Variants in ALPK3 observed in about 807,000 individuals in gnomAD.
ALPK3 encodes the protein alpha-protein kinase 3.
A neutral mutation model predicts 140.0 loss-of-function variants in ALPK3; 102 were observed. The ratio of observed to expected loss-of-function variants is 0.73; its 90% CI spans 0.62 to 0.86. The LOEUF is 0.86. ALPK3 is among the 40% of genes least tolerant of loss of function. The pLI is 0.00. For synonymous variants in ALPK3, 938 were observed against 898.5 expected, an observed-to-expected ratio of 1.04 and a Z score of -0.79; for missense variants, 2,254 against 2,208.2, an observed-to-expected ratio of 1.02 and a Z score of -0.42.
At position 84,857,106 on chromosome 15, in the gene ALPK3, G is replaced by A. The variant is rs1472038881; in HGVS notation, c.2368G>A (p.Val790Met). ...VTASRNHEQTVLGPLSGNLML... is the reference protein window; with the variant it reads ...VTASRNHEQTMLGPLSGNLML... ...AGCCTCCAGGAACCATGAGCAAACT[G>A]TGCTGGGTCCCCTGTCAGGGAACCT... is the stretch of plus-strand genomic sequence containing the variant. Residue 790 changes from valine to methionine, a missense_variant, in exon 6 of 14, where the codon GTG becomes ATG. Coordinates refer to ENST00000258888, the MANE Select transcript of ALPK3 (RefSeq NM_020778.5). 1.2e-6 allele frequency: 2 copies of A among 1,614,212 alleles called. No individual in the cohort carries two copies. Among genetic ancestry groups the A allele is most frequent in the Non-Finnish European group, 8.5e-7 (1 of 1,180,032 alleles).
chr15:84,862,961 C>T (rs757235974), intron 10 of ALPK3, 46 bp downstream of exon 10: 1 of 1,581,496 alleles, frequency 6.3e-7, no homozygotes, highest in Non-Finnish European at 8.6e-7. Flanking sequence ...TCTCTCACCC[C>T]CTCCCCTTTC....
intron 1 of ALPK3, among the ~76,000 whole-genome samples, chr15:84,819,082 G>C (rs1963395325): frequency 6.6e-6 from 1 of 152,162 alleles, no homozygotes; most frequent in African/African-American, 2.4e-5. Flanking sequence ...CAGGCAGAAT[G>C]GGGAGGGCAG....
rs762940734 is a variant in ALPK3 at position 84,840,876 on chromosome 15, C to T, written c.1597C>T (p.His533Tyr). 4 of 1,613,644 alleles carry T rather than the reference C, an allele frequency of 2.5e-6. No individual in the cohort carries two copies. The highest frequency in any genetic ancestry group is 3.4e-6 in the Non-Finnish European group (4 of 1,179,808). ...QVPTPPARRRHGTRDSTLQGQ... is the reference protein window; with the variant it reads ...QVPTPPARRRYGTRDSTLQGQ... ...GCCGACGCCCCCTGCCCGGCGGAGA[C>T]ATGGCACCCGGGACAGCACGTTGCA... The change falls in exon 5 of 14, where the codon CAT (histidine) becomes TAT (tyrosine). Residue 533 changes from histidine to tyrosine, a missense_variant. Physicochemically the swap from His to Tyr is moderately conservative, Grantham distance 83. Coordinates refer to ENST00000258888, the MANE Select transcript of ALPK3 (RefSeq NM_020778.5).
Position 84,859,378 on chromosome 15 carries a change from A to G in ALPK3, c.3953A>G (p.Glu1318Gly). ...GCCAAGGATCAGCGCCCAGTGGGCG[A>G]GGTGGGCAGGAGGTAAGCCAACGAC... ...TWAKDQRPVG[E>G]VGRSAGDEGP... The change falls in exon 7 of 14, where the codon GAG (glutamate) becomes GGG (glycine). Residue 1318 changes from glutamate to glycine, a missense_variant. Coordinates refer to ENST00000258888, the MANE Select transcript of ALPK3 (RefSeq NM_020778.5). The G allele has an allele frequency of 1.9e-6, 3 of 1,614,152 alleles. No homozygotes were observed. Among genetic ancestry groups the G allele is most frequent in the Non-Finnish European group, 2.5e-6 (3 of 1,180,000 alleles).
In ALPK3 at chr15:84,868,561, G is replaced by A; in HGVS notation, c.*105G>A. 3 of 1,139,550 alleles carry A rather than the reference G, an allele frequency of 2.6e-6. No individual in the cohort carries two copies. Among genetic ancestry groups the A allele is most frequent in the Non-Finnish European group, 3.6e-6 (3 of 827,006 alleles). 70.6% of individuals were successfully genotyped at this position (1,139,550 alleles called of 1,614,324 possible). ...ATGGAACTAACTGGAGAAGGTGCACGAAGGAGACACCACTTGGGGACCTCT... is the reference window on the plus strand; with the variant it reads ...ATGGAACTAACTGGAGAAGGTGCACAAAGGAGACACCACTTGGGGACCTCT... On this transcript the variant is annotated 3_prime_UTR_variant, in exon 14 of 14. Coordinates refer to ENST00000258888, the MANE Select transcript of ALPK3 (RefSeq NM_020778.5).
chr15:84,839,933 C>T lies in ALPK3; in HGVS notation c.654C>T (p.Pro218=). 2 of 1,613,724 alleles carry T rather than the reference C, an allele frequency of 1.2e-6. No individual in the cohort carries two copies. Among genetic ancestry groups the T allele is most frequent in the South Asian group, 2.2e-5 (2 of 91,064 alleles). ...TCGACACTCTGCGCAAGCTCAGCCC[C>T]GACCGCTTCCAGCGAAAGCGGCGAT... ...GEVDTLRKLS[P]DRFQRKRRLS... is the part of the protein sequence containing the mutation. Residue 218 remains proline (P), a synonymous_variant, in exon 5 of 14, where the codon CCC becomes CCT. Transcript: ENST00000258888.
At chr15:84,826,261 C>A (rs1365260420) in intron 2 of ALPK3, among the ~76,000 whole-genome samples, 1 of 152,230 alleles carries the variant, frequency 6.6e-6, no homozygotes, top group Non-Finnish European at 1.5e-5. Flanking sequence ...ATCCTGTTTG[C>A]TTCTGCTTCC....
At chr15:84,833,790 T>C (rs1041134216) in intron 3 of ALPK3, among the ~76,000 whole-genome samples, 3 of 152,192 alleles carry the variant, frequency 2.0e-5, no homozygotes, top group Non-Finnish European at 4.4e-5. Flanking sequence ...CCTGGGGTTC[T>C]TCCAACTCAC....
At position 84,839,999 on chromosome 15, in the gene ALPK3, G is replaced by A; in HGVS notation, c.720G>A (p.Arg240=). 6.2e-7 allele frequency: 1 copy of A among 1,613,622 alleles called. No individual in the cohort carries two copies. The highest frequency in any genetic ancestry group is 8.5e-7 in the Non-Finnish European group (1 of 1,179,780). ...CGCCGGGCCCCTCGGTCCCTACCAG[G>A]GAGCCTGAGGGTGGGACCCTGGCGG... The part of the protein sequence containing the change: ...AQAPGPSVPT[R]EPEGGTLAAW... Residue 240 remains arginine, a synonymous_variant, in exon 5 of 14, where the codon AGG becomes AGA. Coordinates refer to ENST00000258888, the MANE Select transcript of ALPK3 (RefSeq NM_020778.5).
At chr15:84,850,781 A>G (rs771938668) in intron 5 of ALPK3, among the ~76,000 whole-genome samples, 1 of 152,098 alleles carries the variant, frequency 6.6e-6, no homozygotes, top group African/African-American at 2.4e-5. Context: ...GTAGTAAAAA[A>G]GCTTACATAG....
Position 84,868,360 on chromosome 15 carries a change from C to G in ALPK3, c.5022C>G (p.Ser1674=), listed in dbSNP as rs573670260. Residue 1674 remains serine, a synonymous_variant, in exon 14 of 14, where the codon TCC becomes TCG. Transcript: ENST00000258888. ...PQGTRKSAPS[S]KATPQASEPV... is the part of the protein sequence containing the mutation. ...GCACCCGGAAGAGTGCTCCAAGTTC[C>G]AAGGCCACCCCTCAGGCCTCAGAGC... 6 of 1,614,070 alleles carry G rather than the reference C, an allele frequency of 3.7e-6. No homozygotes were observed. The South Asian group carries it at 6.6e-5, about 18-fold the overall frequency.
chr15:84,845,740 G>C (rs1045170354), intron 5 of ALPK3, among the ~76,000 whole-genome samples: 5 of 152,186 alleles, frequency 3.3e-5, no homozygotes, highest in Non-Finnish European at 7.3e-5. Flanking sequence ...TGGCCACTGG[G>C]TGGCACACAC....
chr15:84,820,232 C>T (rs1185506878), intron 1 of ALPK3, among the ~76,000 whole-genome samples: 3 of 152,162 alleles, frequency 2.0e-5, no homozygotes, highest in Admixed American at 6.5e-5. Context: ...GGCCCTGGTC[C>T]AGGTGGGCTC....
At chr15:84,862,611 C>T (rs1433035925) in intron 9 of ALPK3, 24 bp from the exon 10 acceptor site, 14 of 1,578,252 alleles carry the variant, frequency 8.9e-6, no homozygotes, top group Non-Finnish European at 1.1e-5. Context: ...CCTGGTCTCC[C>T]ACATTTCTCC....
Position 84,817,594 on chromosome 15 carries a change from A to G in ALPK3, c.142A>G (p.Ser48Gly). The change falls in exon 1 of 14, where the codon AGC becomes GGC. Residue 48 changes from serine to glycine, a missense_variant and splice_region_variant. By Grantham distance (56) the Ser-to-Gly change is moderately conservative (BLOSUM62 0). Coordinates refer to ENST00000258888, the MANE Select transcript of ALPK3 (RefSeq NM_020778.5). ...SYLLSVRPET[S>G]LSSNRLSHPS... Reference sequence around the variant, plus strand: ...CCTGCTCAGCGTGCGGCCCGAGACCAGGTAAGTGGCACCAAGGGGCAGGGC... The same window carrying G: ...CCTGCTCAGCGTGCGGCCCGAGACCGGGTAAGTGGCACCAAGGGGCAGGGC... The G allele has an allele frequency of 6.7e-7, 1 of 1,496,370 alleles. No homozygotes were observed. Among genetic ancestry groups the G allele is most frequent in the Non-Finnish European group, 8.9e-7 (1 of 1,128,278 alleles). 92.7% of individuals were successfully genotyped at this position (1,496,370 alleles called of 1,614,324 possible).
intron 5 of ALPK3, among the ~76,000 whole-genome samples, chr15:84,845,303 G>A (rs1050987504): frequency 6.6e-6 from 1 of 152,270 alleles, no homozygotes; most frequent in East Asian, 1.9e-4. Context: ...GGCCACAGGT[G>A]CCTAAAACTT....
At position 84,868,218 on chromosome 15, in the gene ALPK3, G is replaced by T. The variant is rs1209083703; in HGVS notation, c.4880G>T (p.Gly1627Val). ...CELLGLTPLK[G>V]PEAAHPQAKA... ...CTGCTGGGGCTGACACCTCTCAAGG[G>T]CCCGGAGGCGGCCCACCCCCAAGCC... is the stretch of plus-strand genomic sequence containing the variant. The change falls in exon 14 of 14, where the codon GGC becomes GTC. Residue 1627 changes from glycine (G) to valine (V), a missense_variant. This residue lies in a region of ALPK3 where 158 missense variants were observed against 159.8 expected (regional missense o/e 0.99). Transcript: ENST00000258888. The T allele has an allele frequency of 1.2e-6, 2 of 1,614,190 alleles. No homozygotes were observed. The highest frequency in any genetic ancestry group is 1.7e-6 in the Non-Finnish European group (2 of 1,180,032).
chr15:84,859,500 C>T (rs1963914840), intron 7 of ALPK3, 110 bp downstream of exon 7: 1 of 1,411,612 alleles, frequency 7.1e-7, no homozygotes, highest in South Asian at 1.4e-5. Context: ...TCACAATAAC[C>T]AGGGGAGGTC....
chr15:84,856,882 G>A lies in ALPK3; in HGVS notation c.2144G>A (p.Ser715Asn). Reference protein sequence around the residue: ...QGEKGTQSEGSAPTAMEGQSE... With the variant: ...QGEKGTQSEGNAPTAMEGQSE... ...GAGAAGGGGACGCAGTCAGAGGGGA[G>A]CGCGCCCACAGCCATGGAAGGTCAG... Residue 715 changes from serine (S) to asparagine (N), a missense_variant, in exon 6 of 14, where the codon AGC becomes AAC. Ser to Asn is a conservative substitution (Grantham distance 46). This residue lies in a region of ALPK3 where 2,088 missense variants were observed against 2,022.9 expected (regional missense o/e 1.03). Coordinates refer to ENST00000258888, the MANE Select transcript of ALPK3 (RefSeq NM_020778.5). The A allele has an allele frequency of 4.3e-6, 7 of 1,614,018 alleles. No homozygotes were observed. Among genetic ancestry groups the A allele is most frequent in the Non-Finnish European group, 5.1e-6 (6 of 1,180,004 alleles).
Sources: allele counts gnomAD v4.1 joint callset (sites outside exome capture counted in the v4.1 genomes callset), GRCh38; gene constraint gnomAD v4.1.1; regional missense constraint gnomAD v4.1.1; transcripts MANE v1.5; gene names NCBI Gene and HGNC (gene_info 2026-07-23, HGNC 2026-07-21).